The following CDH12 variants were observed in gnomAD, a reference collection of about 807,000 sequenced individuals.
The protein encoded by CDH12 is cadherin-12.
CDH12 carries 41 observed loss-of-function variants against 74.1 expected under a neutral mutation model. The observed-to-expected ratio is 0.55, with a 90% confidence interval of 0.43 to 0.72. CDH12 has a LOEUF of 0.72. Among genes scored for constraint, CDH12 ranks in the 30% least tolerant of loss-of-function variants. The pLI, the probability that CDH12 is intolerant of heterozygous loss-of-function variation, is 0.00. For missense variants in CDH12, 945 were observed against 977.2 expected, an observed-to-expected ratio of 0.97 and a Z score of 0.44; for synonymous variants, 399 against 355.0, an observed-to-expected ratio of 1.12 and a Z score of -1.39.
chr5:21,766,009 A>C (rs965112534), intron 11 of CDH12, among the ~76,000 whole-genome samples: 12 of 152,024 alleles, frequency 7.9e-5, no homozygotes, highest in African/African-American at 2.4e-4. Context: ...GGATTATAAA[A>C]ATCTAAAGAC....
chr5:22,017,278 A>T (rs1737665432), intron 5 of CDH12, among the ~76,000 whole-genome samples: 1 of 152,110 alleles, frequency 6.6e-6, no homozygotes, highest in Non-Finnish European at 1.5e-5. Context: ...GCTGGCAAAG[A>T]ATTGTACCAA....
chr5:22,664,230 C>T (rs529054078), intron 1 of CDH12, among the ~76,000 whole-genome samples: 1 of 152,146 alleles, frequency 6.6e-6, no homozygotes, highest in South Asian at 2.1e-4. Flanking sequence ...TGTATTAGTC[C>T]ATCTGAATAC....
At chr5:22,116,595 A>G (rs1433087977) in intron 4 of CDH12, among the ~76,000 whole-genome samples, 1 of 150,524 alleles carries the variant, frequency 6.6e-6, no homozygotes, top group Non-Finnish European at 1.5e-5. Flanking sequence ...ACAGAGCAAG[A>G]CTCTGTTTCA....
At chr5:22,544,585 G>A (rs1738237922) in intron 1 of CDH12, among the ~76,000 whole-genome samples, 1 of 152,132 alleles carries the variant, frequency 6.6e-6, no homozygotes, top group Admixed American at 6.6e-5. Context: ...AGAGGCCGAG[G>A]TGGGAGAATT....
At chr5:22,142,028 T>C (rs1746829199) in intron 4 of CDH12, among the ~76,000 whole-genome samples, 1 of 152,096 alleles carries the variant, frequency 6.6e-6, no homozygotes, top group South Asian at 2.1e-4. Flanking sequence ...CCTGGGCTTT[T>C]GGAATGAGAA....
At chr5:21,991,486 A>AAT (rs1447983133) in intron 5 of CDH12, among the ~76,000 whole-genome samples, 8 of 148,270 alleles carry the variant, frequency 5.4e-5, no homozygotes, top group African/African-American at 1.7e-4. Flanking sequence ...TACAAGGCCA[A>AAT]ATATATATAT....
At chr5:22,744,798 G>C (rs1745210702) in intron 1 of CDH12, among the ~76,000 whole-genome samples, 2 of 151,918 alleles carry the variant, frequency 1.3e-5, no homozygotes, top group South Asian at 2.1e-4. Flanking sequence ...ACCAAGAATT[G>C]AACTGTTCTC....
At chr5:22,766,082 A>C (rs1042029407) in intron 1 of CDH12, among the ~76,000 whole-genome samples, 1 of 152,006 alleles carries the variant, frequency 6.6e-6, no homozygotes, top group African/African-American at 2.4e-5. Context: ...GATACAATTT[A>C]ACATCTACCA....
At chr5:21,952,390 G>A (rs1313393155) in intron 6 of CDH12, among the ~76,000 whole-genome samples, 1 of 152,160 alleles carries the variant, frequency 6.6e-6, no homozygotes, top group East Asian at 1.9e-4. Context: ...CCAGGATGTT[G>A]AGGATGTGAG....
Position 22,616,680 on chromosome 5 carries a change from G to A in CDH12, c.-522-111316C>T, listed in dbSNP as rs947209345. 1.3e-5 allele frequency among the ~76,000 whole-genome samples: 2 copies of A among 152,020 alleles called. 1 individual carries two copies. The highest frequency in any genetic ancestry group is 4.1e-4 in the South Asian group (2 of 4,820). On this transcript the variant is annotated intron_variant, in intron 1 of 14. Transcript: ENST00000382254. ...ACTTGATATGATGAAAAGAAAGAAA[G>A]TAGGAAAGGGGAGGGTAAAGGAGGG...
intron 3 of CDH12, among the ~76,000 whole-genome samples, chr5:22,242,433 A>G (rs1318297440): frequency 6.6e-6 from 1 of 152,176 alleles, no homozygotes; most frequent in African/African-American, 2.4e-5. Flanking sequence ...AATAAATTTC[A>G]GATACCTTGC....
In CDH12 at chr5:21,817,146, T is replaced by C. The variant is rs1748106632; in HGVS notation, c.815-14A>G. The C allele has an allele frequency of 1.3e-6, 2 of 1,582,664 alleles. No individual in the cohort carries two copies. On this transcript the variant is annotated splice_polypyrimidine_tract_variant and intron_variant, in intron 8 of 14. Coordinates refer to ENST00000382254, the MANE Select transcript of CDH12 (RefSeq NM_004061.5). ...AGTGGAAGATGCCTGATAAGACATA[T>C]AAAATTTGAATTGACAGTGGGGTTA...
chr5:22,077,104 A>G (rs1313138180), intron 5 of CDH12, among the ~76,000 whole-genome samples: 1 of 151,682 alleles, frequency 6.6e-6, no homozygotes, highest in Non-Finnish European at 1.5e-5. Flanking sequence ...AAGATCACTG[A>G]GACTGGATGA....
intron 4 of CDH12, among the ~76,000 whole-genome samples, chr5:22,138,824 T>C (rs1188993130): frequency 9.1e-5 from 12 of 132,362 alleles, no homozygotes; most frequent in Admixed American, 2.4e-4. Context: ...TAATTGAATA[T>C]ATATGTGTAC....
intron 2 of CDH12, among the ~76,000 whole-genome samples, chr5:22,435,498 A>ATATGTGTGTGTG (rs372393263): frequency 7.5e-6 from 1 of 133,182 alleles, no homozygotes; most frequent in African/African-American, 2.8e-5. Flanking sequence ...GTGTATATAT[A>ATATGTGTGTGTG]TGTGTGTGTG....
At chr5:22,174,391 A>G (rs1165615296) in intron 4 of CDH12, among the ~76,000 whole-genome samples, 1 of 152,012 alleles carries the variant, frequency 6.6e-6, no homozygotes, top group African/African-American at 2.4e-5. Flanking sequence ...TATGTCCCTA[A>G]TAGTTTGTCA....
rs77093684 is a variant in CDH12 at position 22,769,141 on chromosome 5, C to T, written c.-523+83917G>A. Among the ~76,000 whole-genome samples the T allele has an allele frequency of 8.8e-3, 1,344 of 152,208 alleles. 21 individuals carry two copies. Among genetic ancestry groups the T allele is most frequent in the African/African-American group, 0.031 (1,277 of 41,548 alleles). On this transcript the variant is annotated intron_variant, in intron 1 of 14. Transcript: ENST00000382254. ...ATTGAATTGAGGGATGCCTAGATTG[C>T]TGCTAAAAGATTGTTTCTGGGTATT...
At chr5:22,331,560 G>A (rs1349713078) in intron 3 of CDH12, among the ~76,000 whole-genome samples, 3 of 152,168 alleles carry the variant, frequency 2.0e-5, no homozygotes, top group African/African-American at 7.2e-5. Flanking sequence ...TTCCTAAGGA[G>A]GACAGGCACA....
chr5:22,235,883 C>T (rs114085297), intron 3 of CDH12, among the ~76,000 whole-genome samples: 390 of 152,278 alleles, frequency 2.6e-3, no homozygotes, highest in African/African-American at 9.0e-3. Flanking sequence ...GAAACCTAGA[C>T]GGTGTAGCAT....
Sources: gnomAD v4.1 joint callset for allele counts (sites outside exome capture counted in the v4.1 genomes callset) on GRCh38, gnomAD v4.1.1 for gene constraint, MANE v1.5 for transcripts, NCBI Gene and HGNC (gene_info 2026-07-23, HGNC 2026-07-21) for gene names.